The following STAG1 variants were observed in gnomAD, a reference collection of about 807,000 sequenced individuals.
STAG1 encodes the protein cohesin subunit SA-1.
STAG1 carries 26 observed loss-of-function variants against 170.9 expected under a neutral mutation model. The ratio of observed to expected loss-of-function variants is 0.15; its 90% CI spans 0.11 to 0.21. STAG1 has a LOEUF of 0.21. Among genes scored for constraint, STAG1 ranks in the 10% least tolerant of loss-of-function variants. The pLI, the probability that STAG1 is intolerant of heterozygous loss-of-function variation, is 1.00. For missense variants in STAG1, 964 were observed against 1,509.5 expected (o/e 0.64, Z 5.99); for synonymous variants, 514 against 497.7 (o/e 1.03, Z -0.44).
At chr3:136,355,417 A>T (rs1364336447) in intron 28 of STAG1, among the ~76,000 whole-genome samples, 1 of 151,648 alleles carries the variant, frequency 6.6e-6, no homozygotes, top group African/African-American at 2.4e-5. Context: ...AAATGTATGA[A>T]GCAAAAACTG....
chr3:136,620,028 T>C (rs1939775703), intron 3 of STAG1, among the ~76,000 whole-genome samples: 1 of 151,950 alleles, frequency 6.6e-6, no homozygotes, highest in Admixed American at 6.6e-5. Context: ...GTTGCGCCAC[T>C]GCACTGCAGC....
At chr3:136,591,217 C>CA (rs574644995) in intron 4 of STAG1, among the ~76,000 whole-genome samples, 26,064 of 57,620 alleles carry the variant, frequency 0.45, 3,372 homozygotes, top group East Asian at 0.62. Flanking sequence ...AGTCTTTTTT[C>CA]AAAAAAAAAA....
At chr3:136,625,976 C>A (rs1480926086) in intron 2 of STAG1, among the ~76,000 whole-genome samples, 1 of 150,832 alleles carries the variant, frequency 6.6e-6, no homozygotes, top group Non-Finnish European at 1.5e-5. Flanking sequence ...TCGCTTGAAC[C>A]CGGGAGATGG....
intron 1 of STAG1, among the ~76,000 whole-genome samples, chr3:136,692,501 A>C (rs1173278920): frequency 6.6e-6 from 1 of 151,718 alleles, no homozygotes; most frequent in African/African-American, 2.4e-5. Flanking sequence ...CAGGCGTGGT[A>C]GCAAATGCCT....
chr3:136,650,484 A>G (rs1189796540), intron 1 of STAG1, among the ~76,000 whole-genome samples: 1 of 152,190 alleles, frequency 6.6e-6, no homozygotes, highest in Non-Finnish European at 1.5e-5. Context: ...AAAACGAAAG[A>G]TTTTTAAAAT....
intron 1 of STAG1, among the ~76,000 whole-genome samples, chr3:136,734,219 C>G (rs1407384680): frequency 6.6e-6 from 1 of 151,958 alleles, no homozygotes. Context: ...CCTCTCAGTG[C>G]CCCAAATAAG....
At chr3:136,736,483 C>T in intron 1 of STAG1, 1 of 1,337,960 alleles carries the variant, frequency 7.5e-7, no homozygotes, top group South Asian at 1.2e-5. Flanking sequence ...GTGCCTGTGA[C>T]CCCGGGTGGT....
At chr3:136,615,407 GACA>G (rs147336635) in intron 3 of STAG1, among the ~76,000 whole-genome samples, 7,216 of 73,972 alleles carry the variant, frequency 0.098, 323 homozygotes, top group Non-Finnish European at 0.14. Flanking sequence ...CAGCCTGGGT[GACA>G]ACAAGACTTT....
intron 6 of STAG1, among the ~76,000 whole-genome samples, chr3:136,538,331 C>T (rs1258020962): frequency 6.6e-6 from 1 of 151,788 alleles, no homozygotes; most frequent in Non-Finnish European, 1.5e-5. Context: ...GAAATCTTTT[C>T]ATGTATTTAC....
At chr3:136,460,281 T>C (rs2089235648) in intron 13 of STAG1, among the ~76,000 whole-genome samples, 3 of 152,070 alleles carry the variant, frequency 2.0e-5, no homozygotes, top group African/African-American at 4.8e-5. Context: ...CTTGGACACA[T>C]ACAACCTAAC....
chr3:136,443,116 T>C (rs559700474), intron 15 of STAG1, among the ~76,000 whole-genome samples, 171 bp downstream of exon 15: 13 of 152,238 alleles, frequency 8.5e-5, no homozygotes, highest in Non-Finnish European at 1.3e-4. Context: ...TATGGAAACA[T>C]GTTAGAAACG....
At chr3:136,604,285 G>A (rs375457819) in intron 4 of STAG1, 24 bp downstream of exon 4, 117 of 1,597,234 alleles carry the variant, frequency 7.3e-5, no homozygotes, top group Non-Finnish European at 9.7e-5. Context: ...TGCTTTATAC[G>A]TGAAATAAAA....
chr3:136,639,829 G>A (rs923533644), intron 1 of STAG1, among the ~76,000 whole-genome samples: 5 of 152,222 alleles, frequency 3.3e-5, no homozygotes, highest in Admixed American at 3.3e-4. Flanking sequence ...ATATGGTAAA[G>A]AAAGCATCAC....
In STAG1 at chr3:136,601,364, A is replaced by T. The variant is rs543331074; in HGVS notation, c.297+2945T>A. 2.5e-4 allele frequency among the ~76,000 whole-genome samples: 38 copies of T among 152,286 alleles called. No homozygotes were observed. In the East Asian group the frequency reaches 5.0e-3, roughly 20 times the overall value. On this transcript the variant is annotated intron_variant, in intron 4 of 33. Coordinates refer to ENST00000383202, the MANE Select transcript of STAG1 (RefSeq NM_005862.3). ...AAATTTTAAATATAGCCAGTAAAAA[A>T]TATTAATAATTAAAATTACAGTAAA...
intron 6 of STAG1, among the ~76,000 whole-genome samples, chr3:136,529,968 C>T (rs1460304320): frequency 3.3e-5 from 5 of 152,028 alleles, no homozygotes; most frequent in Non-Finnish European, 7.4e-5. Flanking sequence ...AGACAGGATC[C>T]AACCACATGC....
At position 136,369,089 on chromosome 3, in the gene STAG1, A is replaced by G. The variant is rs764380413; in HGVS notation, c.2545+19T>C. 3 of 1,468,790 alleles carry G rather than the reference A, an allele frequency of 2.0e-6. No homozygotes were observed. Among genetic ancestry groups the G allele is most frequent in the African/African-American group, 2.9e-5 (2 of 67,874 alleles). 91.0% of individuals were successfully genotyped at this position (1,468,790 alleles called of 1,614,324 possible). A position where few individuals can be genotyped will look rare whatever the true frequency, so the allele number is the denominator to read the frequency against. Reference sequence around the variant, plus strand: ...TGGTAAAAAAAAATCAATATTGACAAGATGATAGCTACAAGTACCCATGCT... The same window carrying G: ...TGGTAAAAAAAAATCAATATTGACAGGATGATAGCTACAAGTACCCATGCT... On this transcript the variant is annotated intron_variant, in intron 24 of 33. Transcript: ENST00000383202.
chr3:136,402,275 T>C (rs1236608715), intron 21 of STAG1, among the ~76,000 whole-genome samples: 1 of 151,922 alleles, frequency 6.6e-6, no homozygotes, highest in African/African-American at 2.4e-5. Context: ...TGGAGTGCAA[T>C]GGTGTGGTCT....
chr3:136,363,928 A>T (rs545151387), intron 25 of STAG1, among the ~76,000 whole-genome samples: 15 of 152,074 alleles, frequency 9.9e-5, no homozygotes, highest in African/African-American at 3.4e-4. Flanking sequence ...TAATTTTTTT[A>T]AAAAATATTT....
At chr3:136,449,131 TAAGAG>T (rs1444131803) in intron 14 of STAG1, among the ~76,000 whole-genome samples, 5 of 151,926 alleles carry the variant, frequency 3.3e-5, no homozygotes, top group Non-Finnish European at 2.9e-5. Flanking sequence ...TATAAAAAGA[TAAGAG>T]GAGAGATTTT....
Sources: allele counts gnomAD v4.1 joint callset (sites outside exome capture counted in the v4.1 genomes callset), GRCh38; gene constraint gnomAD v4.1.1; transcripts MANE v1.5; gene names NCBI Gene and HGNC (gene_info 2026-07-23, HGNC 2026-07-21).